Variants in LGSN observed in about 807,000 individuals in gnomAD.
LGSN encodes the protein lengsin.
Under a neutral mutation model 19.5 loss-of-function variants are expected in LGSN, and 21 were observed. That is an observed-to-expected ratio of 1.07 (90% CI 0.76 to 1.55). The LOEUF is 1.55. Ranked by LOEUF, LGSN falls within the 40% of genes most tolerant of loss-of-function variation. The pLI is 0.00. For synonymous variants in LGSN, 257 were observed against 215.6 expected, an observed-to-expected ratio of 1.19 and a Z score of -1.68; for missense variants, 673 against 608.5, an observed-to-expected ratio of 1.11 and a Z score of -1.12.
intron 1 of LGSN, among the ~76,000 whole-genome samples, chr6:63,302,845 A>G (rs1242254658): frequency 6.6e-6 from 1 of 152,194 alleles, no homozygotes; most frequent in Non-Finnish European, 1.5e-5. Context: ...CTCTACACTC[A>G]GCCAGGCATG....
chr6:63,371,777 G>A, the LGSN span, among the ~76,000 whole-genome samples: 1 of 152,094 alleles, frequency 6.6e-6, no homozygotes, highest in African/African-American at 2.4e-5. Flanking sequence ...TAAAGTTCCT[G>A]GATTTAGACA....
chr6:63,552,625 A>T, the LGSN span, among the ~76,000 whole-genome samples: 4 of 152,312 alleles, frequency 2.6e-5, no homozygotes, highest in African/African-American at 9.6e-5. Flanking sequence ...TATGTCCTGA[A>T]TGGTATTGCC....
chr6:63,412,507 A>AG, the LGSN span, among the ~76,000 whole-genome samples: 20 of 115,238 alleles, frequency 1.7e-4, no homozygotes, highest in South Asian at 1.7e-3. Context: ...AGAAAGAAAG[A>AG]AAGAAAGAAA....
the LGSN span, among the ~76,000 whole-genome samples, chr6:63,501,311 G>A: frequency 2.0e-5 from 3 of 149,776 alleles, no homozygotes; most frequent in Non-Finnish European, 4.4e-5. Flanking sequence ...GCAGTGAGCC[G>A]AGATTGTACC....
intron 1 of LGSN, among the ~76,000 whole-genome samples, chr6:63,314,955 AC>A (rs1768782938): frequency 6.6e-6 from 1 of 152,198 alleles, no homozygotes; most frequent in South Asian, 2.1e-4. Flanking sequence ...GAGGTCACAA[AC>A]TCAGAAGGAC....
the LGSN span, among the ~76,000 whole-genome samples, chr6:63,368,387 G>T: frequency 6.6e-6 from 1 of 152,126 alleles, no homozygotes; most frequent in Non-Finnish European, 1.5e-5. Flanking sequence ...CTAACCGTCT[G>T]TGGGAACTTT....
chr6:63,336,119 C>T, the LGSN span, among the ~76,000 whole-genome samples: 2 of 152,048 alleles, frequency 1.3e-5, no homozygotes, highest in African/African-American at 2.4e-5. Context: ...TACAAACATA[C>T]AGTTAAATAG....
chr6:63,451,449 G>A, the LGSN span, among the ~76,000 whole-genome samples: 2 of 152,190 alleles, frequency 1.3e-5, no homozygotes, highest in African/African-American at 4.8e-5. Flanking sequence ...AGGGGCATGG[G>A]TGGAGCTAGA....
intron 1 of LGSN, among the ~76,000 whole-genome samples, chr6:63,304,994 T>G (rs1391863149): frequency 6.6e-6 from 1 of 152,162 alleles, no homozygotes; most frequent in Non-Finnish European, 1.5e-5. Flanking sequence ...AGAGAATTGT[T>G]AAACAAAATT....
chr6:63,480,643 A>G, the LGSN span: 1 of 152,162 alleles, frequency 6.6e-6, no homozygotes, highest in African/African-American at 2.4e-5. Flanking sequence ...AAAGCAATAG[A>G]TTTTGGCATG....
chr6:63,492,222 A>G, the LGSN span, among the ~76,000 whole-genome samples: 1 of 152,198 alleles, frequency 6.6e-6, no homozygotes, highest in Non-Finnish European at 1.5e-5. Context: ...TCCTTAAATC[A>G]GGACACACCT....
the LGSN span, among the ~76,000 whole-genome samples, chr6:63,431,520 T>G: frequency 1.3e-5 from 2 of 152,224 alleles, no homozygotes; most frequent in Admixed American, 1.3e-4. Context: ...AAATATGAAG[T>G]GGAATTCTAG....
the LGSN span, chr6:63,549,252 G>A: frequency 1.3e-6 from 1 of 746,580 alleles, no homozygotes; most frequent in South Asian, 1.4e-5. Flanking sequence ...GTGGTCCAGG[G>A]CCTGGGTGAA....
chr6:63,573,451 CGCCCGCGCCTGACTGA>C, the LGSN span: 1 of 152,162 alleles, frequency 6.6e-6, no homozygotes, highest in South Asian at 2.1e-4. Context: ...ATGGCCTCGG[CGCCCGCGCCTGACTGA>C]AGGCGCGGCG....
At chr6:63,571,505 T>C in the LGSN span, 25 of 152,320 alleles carry the variant, frequency 1.6e-4, no homozygotes, top group South Asian at 5.2e-3. Context: ...GGGGCTTAAA[T>C]AATGAAGTCA....
the LGSN span, among the ~76,000 whole-genome samples, chr6:63,540,082 C>T: frequency 1.3e-5 from 2 of 152,140 alleles, no homozygotes; most frequent in Non-Finnish European, 2.9e-5. Flanking sequence ...CATGCCCCTG[C>T]ACTTTAGCTC....
chr6:63,497,422 A>C, the LGSN span, among the ~76,000 whole-genome samples: 1 of 152,030 alleles, frequency 6.6e-6, no homozygotes, highest in Non-Finnish European at 1.5e-5. Flanking sequence ...GGTGGCAGGC[A>C]CCTGTAATCC....
At chr6:63,466,908 G>A in the LGSN span, among the ~76,000 whole-genome samples, 1 of 152,002 alleles carries the variant, frequency 6.6e-6, no homozygotes. Flanking sequence ...GGAAAGGTTT[G>A]GGTTTCATAT....
chr6:63,421,503 G>T, the LGSN span, among the ~76,000 whole-genome samples: 3,623 of 152,170 alleles, frequency 0.024, 143 homozygotes, highest in African/African-American at 0.083. Context: ...GCCGAGGCAG[G>T]CAGATCACCA....
Sources: gnomAD v4.1 joint callset for allele counts (sites outside exome capture counted in the v4.1 genomes callset) on GRCh38, gnomAD v4.1.1 for gene constraint, MANE v1.5 for transcripts, NCBI Gene and HGNC (gene_info 2026-07-23, HGNC 2026-07-21) for gene names.